Variants in IRF6 observed in about 807,000 individuals in gnomAD.
IRF6 encodes interferon regulatory factor 6.
Under a neutral mutation model 51.4 loss-of-function variants are expected in IRF6, and 6 were observed. The ratio of observed to expected loss-of-function variants is 0.12; its 90% confidence interval spans 0.06 to 0.23. The LOEUF (loss-of-function observed/expected upper bound fraction) is 0.23. IRF6 is among the 10% of genes least tolerant of loss of function. IRF6 has a pLI of 1.00. For missense variants in IRF6, 348 were observed against 585.2 expected (o/e 0.59, Z 4.18); for synonymous variants, 178 against 215.7 (o/e 0.83, Z 1.53).
chr1:209,801,091 G>T (rs2077938202), intron 3 of IRF6, 149 bp downstream of exon 3: 1 of 688,628 alleles, frequency 1.5e-6, no homozygotes, highest in South Asian at 1.8e-5. Context: ...GCCCCCAAAA[G>T]AGGAATTACT....
At position 209,795,423 on chromosome 1, in the gene IRF6, C is replaced by T. The variant is rs918395845; in HGVS notation, c.380-5G>A. 1.9e-6 allele frequency: 3 copies of T among 1,613,904 alleles called. No homozygotes were observed. Among genetic ancestry groups the T allele is most frequent in the Non-Finnish European group, 1.7e-6 (2 of 1,180,000 alleles). ...AGGGAGCAGACCCTGTGGATCCTAC[C>T]CAAGATACACAAGCTCGCAGGTGAG... is the stretch of plus-strand genomic sequence containing the variant. On this transcript the variant is annotated splice_region_variant and splice_polypyrimidine_tract_variant and intron_variant, in intron 4 of 8. Coordinates refer to ENST00000367021, the MANE Select transcript of IRF6 (RefSeq NM_006147.4).
rs2102543518 is a variant in IRF6 at position 209,796,993 on chromosome 1, T to C, written c.175-441A>G. ...TTGACATGAGTTGCTTATACGACAATAGGTAAGACAAAGAGGGATGGCAGA... is the reference window on the plus strand; with the variant it reads ...TTGACATGAGTTGCTTATACGACAACAGGTAAGACAAAGAGGGATGGCAGA... On this transcript the variant is annotated intron_variant, in intron 3 of 8. Transcript: ENST00000367021. This position sits in a 1 kb window ranked among gnomAD's most constrained non-coding sequence, Gnocchi z 4.5. Among the ~76,000 whole-genome samples the C allele has an allele frequency of 6.6e-6, 1 of 152,230 alleles. No individual in the cohort carries two copies. Among genetic ancestry groups the C allele is most frequent in the South Asian group, 2.1e-4 (1 of 4,816 alleles).
At chr1:209,800,445 G>T (rs2077933675) in intron 3 of IRF6, among the ~76,000 whole-genome samples, 1 of 152,092 alleles carries the variant, frequency 6.6e-6, no homozygotes, top group Admixed American at 6.5e-5. Flanking sequence ...TTATAGATGG[G>T]GCGAAATATT....
chr1:209,790,792 C>A lies in IRF6; in HGVS notation c.763G>T (p.Asp255Tyr), dbSNP rs1340604552. 6.2e-7 allele frequency: 1 copy of A among 1,614,044 alleles called. No individual in the cohort carries two copies. Among genetic ancestry groups the A allele is most frequent in the Non-Finnish European group, 8.5e-7 (1 of 1,180,046 alleles). The change falls in exon 7 of 9, where the codon GAC (aspartate) becomes TAC (tyrosine). Residue 255 changes from aspartate (D) to tyrosine (Y), a missense_variant. Asp to Tyr is a radical substitution (Grantham distance 160). Transcript: ENST00000367021. This position sits in a 1 kb window ranked among gnomAD's most constrained non-coding sequence, Gnocchi z 4.8. ...NPQGCRLFYG[D>Y]LGPMPDQEEL... The stretch of plus-strand genomic sequence containing the variant: ...TCCTGGTCAGGCATGGGACCCAGGT[C>A]CCCATAGAAGAGTCGGCAGCCCTGA...
chr1:209,796,484 G>C lies in IRF6; in HGVS notation c.243C>G (p.Ala81=). The C allele has an allele frequency of 6.2e-7, 1 of 1,613,874 alleles. No homozygotes were observed. The highest frequency in any genetic ancestry group is 1.3e-5 in the African/African-American group (1 of 75,006). ...VDDPDPAKWK[A]QLRCALNKSR... is the part of the protein sequence containing the mutation. ...TCTTATTGAGAGCACAGCGCAGCTG[G>C]GCCTTCCATTTAGCTGGGTCAGGGT... Residue 81 remains alanine (A), a synonymous_variant, in exon 4 of 9, where the codon GCC becomes GCG. Coordinates refer to ENST00000367021, the MANE Select transcript of IRF6 (RefSeq NM_006147.4). This position sits in a 1 kb window ranked among gnomAD's most constrained non-coding sequence, Gnocchi z 4.5.
intron 3 of IRF6, among the ~76,000 whole-genome samples, chr1:209,799,214 C>A (rs2077924686): frequency 6.6e-6 from 1 of 152,112 alleles, no homozygotes; most frequent in South Asian, 2.1e-4. Flanking sequence ...CTCAGGGCTA[C>A]ACATGCAGTT....
rs1357760133 is a variant in IRF6, at chr1:209,788,280, A to C, written c.*140T>G. 1.5e-6 allele frequency: 1 copy of C among 656,974 alleles called. No homozygotes were observed. The highest frequency in any genetic ancestry group is 2.7e-5 in the East Asian group (1 of 36,852). 40.7% of individuals were successfully genotyped at this position (656,974 alleles called of 1,614,324 possible). A position where few individuals can be genotyped will look rare whatever the true frequency, so the allele number is the denominator to read the frequency against. On this transcript the variant is annotated 3_prime_UTR_variant, in exon 9 of 9. Coordinates refer to ENST00000367021, the MANE Select transcript of IRF6 (RefSeq NM_006147.4). ...TTTCCATAAATTAAATCAGCTTTAA[A>C]TCTAGGCATATTTGGAGAATCACAA...
At chr1:209,791,145 T>C (rs1246854701) in intron 6 of IRF6, 27 of 706,050 alleles carry the variant, frequency 3.8e-5, no homozygotes, top group South Asian at 1.3e-4. Context: ...AAGGCTACAA[T>C]TGCATCAAGT....
intron 5 of IRF6, among the ~76,000 whole-genome samples, chr1:209,793,949 C>T (rs148446414): frequency 2.1e-4 from 32 of 152,288 alleles, no homozygotes; most frequent in South Asian, 2.1e-4. Flanking sequence ...ATATGTACCA[C>T]GTTTTCTTTA....
chr1:209,803,066 A>T (rs930434236), intron 1 of IRF6, among the ~76,000 whole-genome samples: 1 of 152,208 alleles, frequency 6.6e-6, no homozygotes, highest in African/African-American at 2.4e-5. Context: ...GCAGTGTTCA[A>T]GTACCCCCAT....
chr1:209,804,409 C>T (rs1348932011), intron 1 of IRF6, among the ~76,000 whole-genome samples: 1 of 152,150 alleles, frequency 6.6e-6, no homozygotes, highest in Non-Finnish European at 1.5e-5. Flanking sequence ...AAAACATCAA[C>T]AAAGATCCCA....
chr1:209,798,153 A>G (rs1018642469), intron 3 of IRF6, among the ~76,000 whole-genome samples: 2 of 152,098 alleles, frequency 1.3e-5, no homozygotes, highest in Admixed American at 6.6e-5. Flanking sequence ...GGGTCCCTCC[A>G]TTTGATTGTG....
At chr1:209,797,370 C>CAAAAAAA (rs11418099) in intron 3 of IRF6, among the ~76,000 whole-genome samples, 4 of 48,590 alleles carry the variant, frequency 8.2e-5, no homozygotes, top group East Asian at 8.8e-4. Context: ...AACTTCATCT[C>CAAAAAAA]AAAAAAAAAA....
rs1202199224 is a variant in IRF6 at position 209,786,006 on chromosome 1, CAGTG to C, written c.*2410_*2413del. 2.0e-5 allele frequency: 3 copies of C among 152,068 alleles called. No individual in the cohort carries two copies. Among genetic ancestry groups the C allele is most frequent in the Non-Finnish European group, 4.4e-5 (3 of 68,038 alleles). 9.4% of individuals were successfully genotyped at this position (152,068 alleles called of 1,614,324 possible). On this transcript the variant is annotated 3_prime_UTR_variant, in exon 9 of 9. Transcript: ENST00000367021. ...AACTAATCTTGTTTGGTGGGGTACA[CAGTG>C]AGGAAAAAGAAGAGCTAGTGACAAA...
chr1:209,801,486 C>T (rs1330377163), intron 2 of IRF6, 70 bp from the exon 3 acceptor site: 7 of 1,217,986 alleles, frequency 5.7e-6, no homozygotes, highest in Non-Finnish European at 8.0e-6. Context: ...CCTTCCCAGC[C>T]ACCTTTCCCA....
intron 1 of IRF6, among the ~76,000 whole-genome samples, chr1:209,805,330 C>T (rs775868307): frequency 6.6e-6 from 1 of 152,202 alleles, no homozygotes. Flanking sequence ...ATTCTCCACA[C>T]CACCCTCCAG....
chr1:209,789,700 C>T lies in IRF6; in HGVS notation c.1146G>A (p.Gly382=), dbSNP rs991896039. The T allele has an allele frequency of 1.9e-6, 3 of 1,613,692 alleles. No individual in the cohort carries two copies. The highest frequency in any genetic ancestry group is 2.5e-6 in the Non-Finnish European group (3 of 1,179,704). ...YLCFGEEWPD[G]KPLERKLILV... ...AGATGAGTTTCCTTTCCAATGGTTT[C>T]CCATCTGGCCATTCTTCCCCAAAGC... Residue 382 remains glycine, a synonymous_variant, in exon 8 of 9, where the codon GGG becomes GGA. Transcript: ENST00000367021.
rs2077862908 is a variant in IRF6, at chr1:209,790,528, C to G, written c.1027G>C (p.Val343Leu). 5 of 1,614,154 alleles carry G rather than the reference C, an allele frequency of 3.1e-6. No individual in the cohort carries two copies. In the South Asian group the frequency reaches 5.5e-5, roughly 18 times the overall value. Residue 343 changes from valine to leucine, a missense_variant, in exon 7 of 9, where the codon GTC becomes CTC. Transcript: ENST00000367021. This position sits in a 1 kb window ranked among gnomAD's most constrained non-coding sequence, Gnocchi z 4.8. ...APNLIERQKK[V>L]KLFCLETFLS... ...AATGTTTCCAGACAAAATAGCTTGA[C>G]CTTCTTTTGTCTCTCAATCAGGTTG...
rs1186015476 is a variant in IRF6, at chr1:209,786,675, A to T, written c.*1745T>A. On this transcript the variant is annotated 3_prime_UTR_variant, in exon 9 of 9. Transcript: ENST00000367021. Reference sequence around the variant, plus strand: ...CCTCGAAGCTGGGCACCTGACCTTTAGCCAGGTTTCTTAATCTTTTCATGC... The same window carrying T: ...CCTCGAAGCTGGGCACCTGACCTTTTGCCAGGTTTCTTAATCTTTTCATGC... 3 of 152,208 alleles carry T rather than the reference A, an allele frequency of 2.0e-5. No individual in the cohort carries two copies. The highest frequency in any genetic ancestry group is 1.5e-5 in the Non-Finnish European group (1 of 68,036). 9.4% of individuals were successfully genotyped at this position (152,208 alleles called of 1,614,324 possible). A position where few individuals can be genotyped will look rare whatever the true frequency, so the allele number is the denominator to read the frequency against.
Sources: allele counts gnomAD v4.1 joint callset (sites outside exome capture counted in the v4.1 genomes callset), GRCh38; gene constraint gnomAD v4.1.1; non-coding constraint Gnocchi (gnomAD v3.1); transcripts MANE v1.5; gene names NCBI Gene and HGNC (gene_info 2026-07-23, HGNC 2026-07-21).